PHYH: variants seen among roughly 807,000 people sequenced by gnomAD.
PHYH encodes phytanoyl-CoA dioxygenase, peroxisomal.
In PHYH, 32 loss-of-function variants were observed where a neutral mutation model predicts 38.5. That is an observed-to-expected ratio of 0.83 (90% CI 0.63 to 1.12). The LOEUF (loss-of-function observed/expected upper bound fraction) is 1.12, where lower values mean the gene tolerates loss of function less well. PHYH is among the 50% of genes most tolerant of loss of function. The pLI, the probability that PHYH is intolerant of heterozygous loss-of-function variation, is 0.00. For synonymous variants in PHYH, 166 were observed against 157.9 expected (o/e 1.05, Z -0.38); for missense variants, 426 against 434.8 (o/e 0.98, Z 0.18).
rs761927136 is a variant in PHYH at position 13,288,542 on chromosome 10, C to T, written c.497-1G>A. 6.2e-7 allele frequency: 1 copy of T among 1,613,844 alleles called. No individual in the cohort carries two copies. The highest frequency in any genetic ancestry group is 2.2e-5 in the East Asian group (1 of 44,850). ...AGGGGGTGACGGGACGTCTTCTTGC[C>T]TGAAAAGAAAACCTGCTACTAAAGG... is the stretch of plus-strand genomic sequence containing the variant. On this transcript the variant is annotated splice_acceptor_variant, in intron 5 of 8. Coordinates refer to ENST00000263038, the MANE Select transcript of PHYH (RefSeq NM_006214.4). LOFTEE classifies it high-confidence loss of function.
chr10:13,292,772 A>C (rs1835743528), intron 4 of PHYH, among the ~76,000 whole-genome samples: 1 of 152,042 alleles, frequency 6.6e-6, no homozygotes, highest in African/African-American at 2.4e-5. Context: ...ATCTCTACTA[A>C]AAATACAAAA....
rs7895856 is a variant in PHYH at position 13,297,668 on chromosome 10, G to T, written c.134+519C>A. Among the ~76,000 whole-genome samples, 367 of 152,048 alleles carry T rather than the reference G, an allele frequency of 2.4e-3. 2 individuals carry two copies. Among genetic ancestry groups the T allele is most frequent in the Admixed American group, 3.7e-3 (56 of 15,278 alleles). The stretch of plus-strand genomic sequence containing the variant: ...AGAGGTGGGGTTTGTAGAGATGTTG[G>T]CCAGGCTGGTCTCGAACTCCTGACC... On this transcript the variant is annotated intron_variant, in intron 2 of 8. Coordinates refer to ENST00000263038, the MANE Select transcript of PHYH (RefSeq NM_006214.4).
chr10:13,284,523 TC>T, intron 6 of PHYH, among the ~76,000 whole-genome samples: 1 of 152,262 alleles, frequency 6.6e-6, no homozygotes, highest in Middle Eastern at 3.4e-3. Context: ...CTGTGAGTGT[TC>T]CCAGTGTGTT....
At chr10:13,292,947 AAAAAG>A (rs1350573072) in intron 4 of PHYH, among the ~76,000 whole-genome samples, 2 of 151,580 alleles carry the variant, frequency 1.3e-5, no homozygotes, top group Non-Finnish European at 2.9e-5. Flanking sequence ...AAAAAAAAAA[AAAAAG>A]AAGAAGAAGA....
rs200245065 is a variant in PHYH at position 13,278,327 on chromosome 10, C to G, written c.991G>C (p.Val331Leu). The stretch of plus-strand genomic sequence containing the variant: ...CAAAGATTGGTTCTTTCTCCTTTCA[C>G]AAGTCGAGCTCGAAACATCCAAATA... Reference protein sequence around the residue: ...KDIWMFRARLVKGERTNL With the variant: ...KDIWMFRARLLKGERTNL Residue 331 changes from valine (V) to leucine (L), a missense_variant, in exon 9 of 9, where the codon GTG becomes CTG. Coordinates refer to ENST00000263038, the MANE Select transcript of PHYH (RefSeq NM_006214.4). 201 of 1,612,874 alleles carry G rather than the reference C, an allele frequency of 1.2e-4. No individual in the cohort carries two copies. The highest frequency in any genetic ancestry group is 1.6e-4 in the Non-Finnish European group (186 of 1,179,032).
At chr10:13,292,165 CAT>C (rs1835728580) in intron 4 of PHYH, among the ~76,000 whole-genome samples, 1 of 152,128 alleles carries the variant, frequency 6.6e-6, no homozygotes, top group East Asian at 1.9e-4. Context: ...CTACAAGAAA[CAT>C]AGGAGTTCCG....
intron 5 of PHYH, among the ~76,000 whole-genome samples, chr10:13,288,893 A>G (rs1390770363): frequency 7.2e-6 from 1 of 138,176 alleles, no homozygotes; most frequent in African/African-American, 2.7e-5. Context: ...TGGGTGACAG[A>G]GAGCGAGTCC....
rs369497251 is a variant in PHYH at position 13,281,125 on chromosome 10, C to G, written c.829-15G>C. 5.0e-6 allele frequency: 8 copies of G among 1,613,972 alleles called. No individual in the cohort carries two copies. In the Admixed American group the frequency reaches 6.7e-5, roughly 13 times the overall value. ...CAGGAAATTGCCTGTGCAAAGTGAA[C>G]AAATTGATATTGGAGAAAAACATCC... On this transcript the variant is annotated splice_polypyrimidine_tract_variant and intron_variant, in intron 7 of 8. Coordinates refer to ENST00000263038, the MANE Select transcript of PHYH (RefSeq NM_006214.4).
intron 5 of PHYH, among the ~76,000 whole-genome samples, chr10:13,290,385 C>T (rs1237918433): frequency 1.3e-5 from 2 of 152,218 alleles, no homozygotes; most frequent in East Asian, 3.8e-4. Context: ...CCCATGACCA[C>T]ACTGACATTT....
chr10:13,281,166 C>G (rs896612632), intron 7 of PHYH, 56 bp from the exon 8 acceptor site: 13 of 1,560,670 alleles, frequency 8.3e-6, no homozygotes, highest in Non-Finnish European at 1.1e-5. Flanking sequence ...ATACCAGTGA[C>G]CAAGCAGGGA....
intron 7 of PHYH, among the ~76,000 whole-genome samples, chr10:13,282,724 G>C (rs548467764): frequency 1.3e-5 from 2 of 152,208 alleles, no homozygotes; most frequent in Admixed American, 6.5e-5. Context: ...GGGTCCAATA[G>C]TGTCTTTTAT....
intron 5 of PHYH, among the ~76,000 whole-genome samples, chr10:13,290,194 A>G (rs915080280): frequency 1.7e-4 from 25 of 148,444 alleles, no homozygotes; most frequent in Non-Finnish European, 3.0e-4. Flanking sequence ...ATTCAGGAGG[A>G]TGAGGCAGGA....
intron 2 of PHYH, 88 bp downstream of exon 2, chr10:13,298,099 G>T (rs1832614335): frequency 1.2e-6 from 1 of 800,986 alleles, no homozygotes; most frequent in Non-Finnish European, 2.2e-6. Flanking sequence ...TTCTAATCAG[G>T]TAACATATTA....
intron 1 of PHYH, chr10:13,299,414 C>G (rs1417908758): frequency 2.0e-6 from 2 of 1,000,560 alleles, no homozygotes; most frequent in African/African-American, 3.5e-5. Flanking sequence ...CCGCGCCAGT[C>G]CTCACCCGCT....
At chr10:13,290,006 C>A (rs1304030792) in intron 5 of PHYH, among the ~76,000 whole-genome samples, 2 of 147,662 alleles carry the variant, frequency 1.4e-5, no homozygotes, top group Non-Finnish European at 3.0e-5. Context: ...CGGTGGCTCA[C>A]GCCGGTAATC....
intron 4 of PHYH, 32 bp from the exon 5 acceptor site, chr10:13,291,944 C>A: frequency 1.3e-6 from 2 of 1,482,222 alleles, no homozygotes; most frequent in Non-Finnish European, 1.9e-6. Context: ...AAAAACAAAC[C>A]TTGTGGGAAA....
intron 7 of PHYH, 81 bp from the exon 8 acceptor site, chr10:13,281,191 A>C: frequency 7.1e-7 from 1 of 1,409,068 alleles, no homozygotes. Context: ...TTCTTTTAGA[A>C]AGTCATTTAT....
intron 6 of PHYH, among the ~76,000 whole-genome samples, chr10:13,285,771 A>T (rs1360746891): frequency 6.6e-6 from 1 of 151,084 alleles, no homozygotes; most frequent in Non-Finnish European, 1.5e-5. Context: ...CACCAGGCTG[A>T]TTTTGTATTT....
intron 7 of PHYH, among the ~76,000 whole-genome samples, chr10:13,282,089 T>C (rs1835425908): frequency 6.7e-6 from 1 of 150,324 alleles, no homozygotes; most frequent in Non-Finnish European, 1.5e-5. Context: ...GTACAAAAAA[T>C]GAAAAAATAA....
Sources: allele counts gnomAD v4.1 joint callset (sites outside exome capture counted in the v4.1 genomes callset), GRCh38; gene constraint gnomAD v4.1.1; transcripts MANE v1.5; gene names NCBI Gene and HGNC (gene_info 2026-07-23, HGNC 2026-07-21).